PPARG: variants seen among roughly 807,000 people sequenced by gnomAD.
PPARG encodes the protein peroxisome proliferator-activated receptor gamma.
PPARG carries 17 observed loss-of-function variants against 39.2 expected under a neutral mutation model. The observed-to-expected ratio is 0.43, with a 90% CI of 0.30 to 0.65. The LOEUF (loss-of-function observed/expected upper bound fraction) is 0.65, where lower values mean the gene tolerates loss of function less well. Among genes scored for constraint, PPARG ranks in the 30% least tolerant of loss-of-function variants. PPARG has a pLI of 0.13. For missense variants in PPARG, 406 were observed against 585.9 expected (o/e 0.69, Z 3.17); for synonymous variants, 223 against 215.7 (o/e 1.03, Z -0.30).
At chr3:12,322,464 G>C (rs983631096) in intron 2 of PPARG, among the ~76,000 whole-genome samples, 3 of 152,202 alleles carry the variant, frequency 2.0e-5, no homozygotes, top group African/African-American at 7.2e-5. Context: ...AATAGAGCCA[G>C]GCAATATCTG....
At chr3:12,330,302 TAAAAAAA>T (rs67976990) in intron 2 of PPARG, among the ~76,000 whole-genome samples, 1 of 121,052 alleles carries the variant, frequency 8.3e-6, no homozygotes, top group African/African-American at 3.1e-5. Flanking sequence ...CACCTTTTTT[TAAAAAAA>T]AAAAAAAAAA....
At chr3:12,329,956 A>G (rs183027903) in intron 2 of PPARG, among the ~76,000 whole-genome samples, 1 of 152,300 alleles carries the variant, frequency 6.6e-6, no homozygotes, top group East Asian at 1.9e-4. Flanking sequence ...ATGTTGTAGC[A>G]TGTATCAGAA....
intron 7 of PPARG, among the ~76,000 whole-genome samples, chr3:12,420,282 G>A (rs1200931760): frequency 6.6e-6 from 1 of 152,188 alleles, no homozygotes; most frequent in Non-Finnish European, 1.5e-5. Flanking sequence ...TCGAGGATGA[G>A]ATCCACCTCC....
intron 2 of PPARG, among the ~76,000 whole-genome samples, chr3:12,345,270 C>T (rs369215886): frequency 1.1e-3 from 175 of 152,234 alleles, no homozygotes; most frequent in African/African-American, 4.0e-3. Flanking sequence ...AAAATGACTC[C>T]GTGAACTGAT....
At chr3:12,350,670 C>CCA (rs1345345823) in intron 2 of PPARG, among the ~76,000 whole-genome samples, 3 of 152,320 alleles carry the variant, frequency 2.0e-5, no homozygotes, top group African/African-American at 7.2e-5. Context: ...ACAAAACTGA[C>CCA]CACAATTCCT....
chr3:12,368,200 C>T (rs2972168), intron 2 of PPARG, among the ~76,000 whole-genome samples: 785 of 138,178 alleles, frequency 5.7e-3, no homozygotes, highest in South Asian at 8.4e-3. Flanking sequence ...GTTTTTTTTT[C>T]AGACAGTGTC....
intron 2 of PPARG, among the ~76,000 whole-genome samples, chr3:12,368,710 G>A (rs748024258): frequency 3.3e-5 from 5 of 152,196 alleles, no homozygotes; most frequent in Non-Finnish European, 5.9e-5. Flanking sequence ...TTACTAAATT[G>A]TATTTCTGCT....
In PPARG at chr3:12,416,689, C is replaced by T. The variant is rs2051067989; in HGVS notation, c.730-15C>T. On this transcript the variant is annotated splice_polypyrimidine_tract_variant and intron_variant, in intron 6 of 7. Transcript: ENST00000651735. ...AATCTCCAAGTCATCCACGTTTTCC[C>T]TGTTTTATTTGCAGCCATTCGTTAT... 2 of 1,610,302 alleles carry T rather than the reference C, an allele frequency of 1.2e-6. No homozygotes were observed. The highest frequency in any genetic ancestry group is 1.7e-6 in the Non-Finnish European group (2 of 1,177,502).
At chr3:12,294,046 C>T (rs2046717034) in intron 1 of PPARG, among the ~76,000 whole-genome samples, 1 of 152,118 alleles carries the variant, frequency 6.6e-6, no homozygotes, top group African/African-American at 2.4e-5. Flanking sequence ...ATGTGAAAGG[C>T]TAGTTGCTTG....
chr3:12,427,585 A>T (rs1191513059), intron 7 of PPARG, among the ~76,000 whole-genome samples: 2 of 152,212 alleles, frequency 1.3e-5, no homozygotes, highest in Non-Finnish European at 2.9e-5. Context: ...TACGCTTATG[A>T]AAGAAATGTC....
intron 1 of PPARG, among the ~76,000 whole-genome samples, chr3:12,300,161 A>G (rs193083177): frequency 6.6e-6 from 1 of 152,344 alleles, no homozygotes; most frequent in African/African-American, 2.4e-5. Context: ...GTGTAACTCA[A>G]TACAGATGTA....
rs569284337 is a variant in PPARG, at chr3:12,424,652, C to T, written c.1180+7498C>T. Among the ~76,000 whole-genome samples, 6 of 152,320 alleles carry T rather than the reference C, an allele frequency of 3.9e-5. No individual in the cohort carries two copies. In the East Asian group the frequency reaches 9.7e-4, roughly 25 times the overall value. On this transcript the variant is annotated intron_variant, in intron 7 of 7. Coordinates refer to ENST00000651735, the MANE Select transcript of PPARG (RefSeq NM_138711.6). ...GAAAACCCAGCACTGGTTCAAATCACTCCTAGCAGAGGTAGTGAAGGCATC... is the reference window on the plus strand; with the variant it reads ...GAAAACCCAGCACTGGTTCAAATCATTCCTAGCAGAGGTAGTGAAGGCATC...
intron 1 of PPARG, chr3:12,306,069 C>G (rs2047054901): frequency 6.6e-6 from 1 of 152,176 alleles, no homozygotes; most frequent in Admixed American, 6.5e-5. Context: ...CCAGCAGTCC[C>G]CCACCTTTTT....
At chr3:12,338,494 A>G (rs2048081212) in intron 2 of PPARG, among the ~76,000 whole-genome samples, 1 of 152,240 alleles carries the variant, frequency 6.6e-6, no homozygotes, top group Non-Finnish European at 1.5e-5. Context: ...CATAATTTGT[A>G]TTAAATGTAA....
chr3:12,412,266 C>G (rs1411393586), intron 6 of PPARG, among the ~76,000 whole-genome samples: 1 of 152,024 alleles, frequency 6.6e-6, no homozygotes, highest in Non-Finnish European at 1.5e-5. Context: ...TTCTATTTCT[C>G]CATTCAAAAA....
chr3:12,405,715 C>T (rs2050634846), intron 5 of PPARG, among the ~76,000 whole-genome samples, 167 bp from the exon 6 acceptor site: 1 of 152,188 alleles, frequency 6.6e-6, no homozygotes, highest in Non-Finnish European at 1.5e-5. Context: ...GTCTGTGCTA[C>T]TTTTGTGAAA....
chr3:12,433,417 C>G (rs4135298), intron 7 of PPARG, among the ~76,000 whole-genome samples: 25,150 of 151,704 alleles, frequency 0.17, 2,303 homozygotes, highest in Admixed American at 0.25. Context: ...GAGCACCTAT[C>G]ATCCCAGCTA....
chr3:12,320,859 A>G lies in PPARG; in HGVS notation c.-9+8406A>G, dbSNP rs1262806401. 2.6e-5 allele frequency among the ~76,000 whole-genome samples: 4 copies of G among 152,248 alleles called. No individual in the cohort carries two copies. The East Asian group carries it at 7.7e-4, about 29-fold the overall frequency. On this transcript the variant is annotated intron_variant, in intron 2 of 7. Coordinates refer to ENST00000651735, the MANE Select transcript of PPARG (RefSeq NM_138711.6). Reference sequence around the variant, plus strand: ...GCACCACTGCACTCCAGCCTGAGGGACAGAGTGAGACCCTGTCAAAGAAAA... The same window carrying G: ...GCACCACTGCACTCCAGCCTGAGGGGCAGAGTGAGACCCTGTCAAAGAAAA...
At chr3:12,318,197 C>T (rs1028928397) in intron 2 of PPARG, among the ~76,000 whole-genome samples, 2 of 152,126 alleles carry the variant, frequency 1.3e-5, no homozygotes, top group South Asian at 2.1e-4. Flanking sequence ...TGGTCTCAAA[C>T]GTCTGGCCTC....
Sources: allele counts gnomAD v4.1 joint callset (sites outside exome capture counted in the v4.1 genomes callset), GRCh38; gene constraint gnomAD v4.1.1; transcripts MANE v1.5; gene names NCBI Gene and HGNC (gene_info 2026-07-23, HGNC 2026-07-21).